Variants in ARID5B observed in about 807,000 individuals in gnomAD.
The protein encoded by ARID5B is AT-rich interactive domain-containing protein 5B.
A neutral mutation model predicts 97.2 loss-of-function variants in ARID5B; 13 were observed. The ratio of observed to expected loss-of-function variants is 0.13; its 90% CI spans 0.09 to 0.21. ARID5B has a LOEUF of 0.21. Ranked by LOEUF, ARID5B falls within the 10% of genes least tolerant of loss-of-function variation. The pLI is 1.00. For missense variants in ARID5B, 1,210 were observed against 1,465.3 expected (o/e 0.83, Z 2.84); for synonymous variants, 556 against 570.3 (o/e 0.97, Z 0.36).
At chr10:62,089,036 ACATCAT>A in intron 9 of ARID5B, among the ~76,000 whole-genome samples, 1 of 152,356 alleles carries the variant, frequency 6.6e-6, no homozygotes, top group East Asian at 1.9e-4. Flanking sequence ...CTGCAGTTCT[ACATCAT>A]AGAAACTTCA....
chr10:62,065,312 C>T (rs1287046702), intron 7 of ARID5B, among the ~76,000 whole-genome samples: 2 of 152,164 alleles, frequency 1.3e-5, no homozygotes, highest in African/African-American at 4.8e-5. Context: ...AGTTATGCTT[C>T]CCACTAAATT....
chr10:61,966,250 A>C (rs916519950), intron 3 of ARID5B, among the ~76,000 whole-genome samples: 2 of 152,164 alleles, frequency 1.3e-5, no homozygotes, highest in African/African-American at 4.8e-5. Flanking sequence ...GCATGATTTT[A>C]AGATATATAC....
intron 2 of ARID5B, among the ~76,000 whole-genome samples, chr10:61,913,456 C>T (rs1843844186): frequency 6.6e-6 from 1 of 152,164 alleles, no homozygotes; most frequent in Non-Finnish European, 1.5e-5. Flanking sequence ...AGATGCAGAA[C>T]CTAAGGCCCA....
chr10:62,076,919 T>C (rs1840145560), intron 8 of ARID5B, among the ~76,000 whole-genome samples: 1 of 152,188 alleles, frequency 6.6e-6, no homozygotes, highest in Non-Finnish European at 1.5e-5. Flanking sequence ...GTGGCCCCTA[T>C]TGGGCTTACC....
At chr10:62,008,830 G>T (rs1161976022) in intron 4 of ARID5B, among the ~76,000 whole-genome samples, 1 of 152,236 alleles carries the variant, frequency 6.6e-6, no homozygotes, top group Non-Finnish European at 1.5e-5. Flanking sequence ...GACTCTGTGA[G>T]ACATGGGGTT....
chr10:62,065,675 C>T (rs538114935), intron 7 of ARID5B, among the ~76,000 whole-genome samples: 103 of 151,956 alleles, frequency 6.8e-4, no homozygotes, highest in African/African-American at 2.4e-3. Flanking sequence ...GAAATCCCGT[C>T]TCTACTAAAA....
Position 62,088,570 on chromosome 10 carries a change from CA to C in ARID5B, c.1399-2291del, listed in dbSNP as rs565175187. Among the ~76,000 whole-genome samples, 844 of 152,306 alleles carry C rather than the reference CA, an allele frequency of 5.5e-3. 6 individuals carry two copies. The highest frequency in any genetic ancestry group is 0.019 in the African/African-American group (800 of 41,560). On this transcript the variant is annotated intron_variant, in intron 9 of 9. Transcript: ENST00000279873. ...TCCTGTAGGCTGCAACTGTTCCCTTCAGGGAGCTGTAAGTGTCTCAGGTTTT... is the reference window on the plus strand; with the variant it reads ...TCCTGTAGGCTGCAACTGTTCCCTTCGGGAGCTGTAAGTGTCTCAGGTTTT...
chr10:61,969,645 C>T (rs766106976), intron 3 of ARID5B, among the ~76,000 whole-genome samples: 2 of 152,046 alleles, frequency 1.3e-5, no homozygotes, highest in African/African-American at 4.8e-5. Context: ...ATACCTGTGC[C>T]GCTGATCTCT....
At chr10:61,924,093 T>C (rs1844061631) in intron 2 of ARID5B, among the ~76,000 whole-genome samples, 1 of 152,250 alleles carries the variant, frequency 6.6e-6, no homozygotes. Flanking sequence ...AAGCTCCACC[T>C]GCAAGGATGC....
At chr10:61,963,985 T>C (rs957057354) in intron 3 of ARID5B, among the ~76,000 whole-genome samples, 3 of 152,108 alleles carry the variant, frequency 2.0e-5, no homozygotes, top group Admixed American at 6.5e-5. Context: ...TTTTTGCAGG[T>C]TTCTGTGGTC....
Position 62,093,015 on chromosome 10 carries a change from C to T in ARID5B, c.3552C>T (p.Pro1184=). 6.2e-7 allele frequency: 1 copy of T among 1,608,260 alleles called. No homozygotes were observed. The highest frequency in any genetic ancestry group is 8.5e-7 in the Non-Finnish European group (1 of 1,178,546). ...CTTCCCAGCTGTCATCCGTGCACCC[C>T]AGTACAAAACTGTAGGCTCAGCTCT... ...FPSSQLSSVH[P]STKL is the part of the protein sequence containing the mutation. Residue 1184 remains proline (P), a synonymous_variant, in exon 10 of 10, where the codon CCC becomes CCT. Transcript: ENST00000279873.
In ARID5B at chr10:62,095,939, C is replaced by G. The variant is rs923228167; in HGVS notation, c.*2909C>G. 1.3e-5 allele frequency: 3 copies of G among 231,388 alleles called. No individual in the cohort carries two copies. The highest frequency in any genetic ancestry group is 2.2e-5 in the African/African-American group (1 of 45,208). 14.3% of individuals were successfully genotyped at this position (231,388 alleles called of 1,614,324 possible). ...AAGAAATGTTGCAATTCAAAATGCA[C>G]TAAGTCTGTGATTTATTGGAGATTT... On this transcript the variant is annotated 3_prime_UTR_variant, in exon 10 of 10. Coordinates refer to ENST00000279873, the MANE Select transcript of ARID5B (RefSeq NM_032199.3).
chr10:61,946,895 T>C (rs1275337049), intron 3 of ARID5B, among the ~76,000 whole-genome samples: 1 of 152,126 alleles, frequency 6.6e-6, no homozygotes, highest in Non-Finnish European at 1.5e-5. Flanking sequence ...CACCCCAGCC[T>C]GGGCAACAGA....
At position 62,092,385 on chromosome 10, in the gene ARID5B, A is replaced by T; in HGVS notation, c.2922A>T (p.Arg974Ser). ...AAAAATACCCTGAATCGCTTTCAAG[A>T]TCAGGAAAACCTCACCATGTGAGAC... ...GPKKYPESLS[R>S]SGKPHHVRLE... Residue 974 changes from arginine to serine, a missense_variant, in exon 10 of 10, where the codon AGA becomes AGT. By Grantham distance (110) the Arg-to-Ser change is moderately radical (BLOSUM62 -1). Coordinates refer to ENST00000279873, the MANE Select transcript of ARID5B (RefSeq NM_032199.3). The T allele has an allele frequency of 1.2e-6, 2 of 1,614,228 alleles. No homozygotes were observed. The highest frequency in any genetic ancestry group is 1.7e-6 in the Non-Finnish European group (2 of 1,180,036).
chr10:62,076,431 A>G (rs1415620242), intron 8 of ARID5B, among the ~76,000 whole-genome samples: 1 of 151,878 alleles, frequency 6.6e-6, no homozygotes, highest in Non-Finnish European at 1.5e-5. Flanking sequence ...AATCCTGACT[A>G]CTCAGATGTC....
At chr10:61,976,922 C>T (rs1360705893) in intron 3 of ARID5B, among the ~76,000 whole-genome samples, 1 of 150,878 alleles carries the variant, frequency 6.6e-6, no homozygotes, top group African/African-American at 2.4e-5. Context: ...AGGTTTGTTA[C>T]ATATGTATAC....
chr10:62,071,256 G>A (rs184509657), intron 8 of ARID5B, among the ~76,000 whole-genome samples: 2 of 151,868 alleles, frequency 1.3e-5, no homozygotes, highest in Non-Finnish European at 2.9e-5. Flanking sequence ...GGATGGTCTC[G>A]ATCTCTTGAC....
At chr10:61,966,581 A>C (rs1490094215) in intron 3 of ARID5B, among the ~76,000 whole-genome samples, 1 of 152,106 alleles carries the variant, frequency 6.6e-6, no homozygotes, top group Admixed American at 6.5e-5. Flanking sequence ...TACATGGACC[A>C]AATACCCTGG....
chr10:61,923,094 T>C (rs1349257614), intron 2 of ARID5B, among the ~76,000 whole-genome samples: 1 of 152,204 alleles, frequency 6.6e-6, no homozygotes, highest in African/African-American at 2.4e-5. Flanking sequence ...TGGATTCAAA[T>C]TGAGGAGCAT....
Sources: gnomAD v4.1 joint callset for allele counts (sites outside exome capture counted in the v4.1 genomes callset) on GRCh38, gnomAD v4.1.1 for gene constraint, MANE v1.5 for transcripts, NCBI Gene and HGNC (gene_info 2026-07-23, HGNC 2026-07-21) for gene names.